CCDC39: variants seen among roughly 807,000 people sequenced by gnomAD.
The protein encoded by CCDC39 is coiled-coil domain-containing protein 39.
Under a neutral mutation model 121.0 loss-of-function variants are expected in CCDC39, and 113 were observed. That is an observed-to-expected ratio of 0.93 (90% CI 0.80 to 1.09). CCDC39 has a LOEUF of 1.09. CCDC39 is among the 50% of genes least tolerant of loss of function. The pLI, the probability that CCDC39 is intolerant of heterozygous loss-of-function variation, is 0.00. For missense variants in CCDC39, 1,063 were observed against 1,074.7 expected (o/e 0.99, Z 0.15); for synonymous variants, 349 against 352.2 (o/e 0.99, Z 0.10).
intron 14 of CCDC39, among the ~76,000 whole-genome samples, chr3:180,623,192 A>G (rs144557317): frequency 2.6e-3 from 389 of 151,106 alleles, no homozygotes; most frequent in Non-Finnish European, 3.7e-3. Flanking sequence ...GGGAGGGTGT[A>G]TTATATGTTT....
At chr3:180,677,855 C>A (rs983954798) in intron 1 of CCDC39, among the ~76,000 whole-genome samples, 1 of 151,978 alleles carries the variant, frequency 6.6e-6, no homozygotes, top group African/African-American at 2.4e-5. Flanking sequence ...TATCTCATAC[C>A]CTTCTATTCT....
At chr3:180,664,624 A>G (rs979740582) in intron 1 of CCDC39, among the ~76,000 whole-genome samples, 1 of 151,990 alleles carries the variant, frequency 6.6e-6, no homozygotes, top group Non-Finnish European at 1.5e-5. Context: ...TCAAAAATGC[A>G]TTTTTCATAC....
At chr3:180,630,968 A>G (rs571450472) in intron 14 of CCDC39, among the ~76,000 whole-genome samples, 9 of 152,310 alleles carry the variant, frequency 5.9e-5, no homozygotes, top group African/African-American at 2.2e-4. Context: ...AGGGTGTGGC[A>G]TAAGAGTGGG....
chr3:180,628,420 G>A (rs1224258458), intron 14 of CCDC39, among the ~76,000 whole-genome samples: 1 of 152,106 alleles, frequency 6.6e-6, no homozygotes, highest in African/African-American at 2.4e-5. Flanking sequence ...TGTTAGCCAG[G>A]ATGGTCTCGA....
At chr3:180,659,271 TA>T (rs1167991816) in intron 6 of CCDC39, among the ~76,000 whole-genome samples, 180 bp downstream of exon 6, 1 of 152,234 alleles carries the variant, frequency 6.6e-6, no homozygotes, top group Admixed American at 6.5e-5. Flanking sequence ...TACACTCAAA[TA>T]ATCTTCATCA....
chr3:180,676,305 A>G (rs1560096855), intron 1 of CCDC39, among the ~76,000 whole-genome samples: 3 of 152,196 alleles, frequency 2.0e-5, no homozygotes, highest in Admixed American at 6.5e-5. Flanking sequence ...CAAGAGAAAA[A>G]CAAACAACCC....
intron 3 of CCDC39, 31 bp from the exon 4 acceptor site, chr3:180,660,759 G>A: frequency 6.4e-7 from 1 of 1,574,022 alleles, no homozygotes; most frequent in Non-Finnish European, 8.6e-7. Flanking sequence ...GAAAAGGGGA[G>A]ATTACAAAAC....
intron 14 of CCDC39, among the ~76,000 whole-genome samples, chr3:180,622,270 C>T (rs1193845196): frequency 2.6e-5 from 4 of 151,902 alleles, no homozygotes; most frequent in African/African-American, 4.8e-5. Flanking sequence ...TTTTGTATCC[C>T]GAAACTGCTG....
rs1296379276 is a variant in CCDC39 at position 180,659,716 on chromosome 3, C to T, written c.570G>A (p.Lys190=). The T allele has an allele frequency of 6.2e-7, 1 of 1,612,686 alleles. No homozygotes were observed. Among genetic ancestry groups the T allele is most frequent in the Non-Finnish European group, 8.5e-7 (1 of 1,179,350 alleles). Residue 190 remains lysine (K), a synonymous_variant, in exon 5 of 20, where the codon AAG becomes AAA. Transcript: ENST00000476379. ...TCTCTGTAAGTTCGTTGTCAAGTATCTTTCTTTTCTGATTACATTCCAAAG... is the reference window on the plus strand; with the variant it reads ...TCTCTGTAAGTTCGTTGTCAAGTATTTTTCTTTTCTGATTACATTCCAAAG... ...RLTLECNQKR[K]ILDNELTETI... is the part of the protein sequence containing the mutation.
chr3:180,623,601 A>G (rs1228618262), intron 14 of CCDC39, among the ~76,000 whole-genome samples: 1 of 152,102 alleles, frequency 6.6e-6, no homozygotes, highest in Non-Finnish European at 1.5e-5. Context: ...TGCTATAAAC[A>G]TCCCCCTTAG....
chr3:180,679,096 A>G lies in CCDC39; in HGVS notation c.90+195T>C, dbSNP rs779254663. ...CCTAAATGTCAATTATGGTTTTAAT[A>G]GCATTTTTAAATGCTTAACAATTAC... On this transcript the variant is annotated intron_variant, in intron 1 of 19. Transcript: ENST00000476379. This position sits in a 1 kb window ranked among gnomAD's most constrained non-coding sequence, Gnocchi z 4.0. 6.6e-6 allele frequency among the ~76,000 whole-genome samples: 1 copy of G among 152,196 alleles called. No individual in the cohort carries two copies. Among genetic ancestry groups the G allele is most frequent in the Non-Finnish European group, 1.5e-5 (1 of 68,032 alleles).
chr3:180,639,862 G>C (rs147783988), intron 13 of CCDC39, among the ~76,000 whole-genome samples: 1 of 151,846 alleles, frequency 6.6e-6, no homozygotes, highest in Admixed American at 6.6e-5. Context: ...CTAGCTCTTA[G>C]AGAAAAAGTG....
intron 1 of CCDC39, among the ~76,000 whole-genome samples, chr3:180,678,341 T>C (rs931636876): frequency 5.9e-5 from 9 of 152,124 alleles, no homozygotes; most frequent in Non-Finnish European, 1.0e-4. Context: ...TTTCAAAAGG[T>C]AGAGTAACAG....
At position 180,616,702 on chromosome 3, in the gene CCDC39, G is replaced by T; in HGVS notation, c.2407-7C>A. 6.3e-7 allele frequency: 1 copy of T among 1,581,736 alleles called. No homozygotes were observed. Among genetic ancestry groups the T allele is most frequent in the Non-Finnish European group, 8.6e-7 (1 of 1,162,230 alleles). On this transcript the variant is annotated splice_polypyrimidine_tract_variant and splice_region_variant and intron_variant, in intron 17 of 19. Transcript: ENST00000476379. ...CCTTTGTGAGTTTTGCACACTGTTG[G>T]TAAATAATAGTCAATTATTCTATAA...
At chr3:180,652,096 G>A in intron 8 of CCDC39, 67 bp downstream of exon 8, 1 of 858,714 alleles carries the variant, frequency 1.2e-6, no homozygotes, top group Non-Finnish European at 1.8e-6. Flanking sequence ...ATAGTCTTAA[G>A]TATTTAATAA....
At chr3:180,658,521 C>T (rs7631194) in intron 6 of CCDC39, among the ~76,000 whole-genome samples, 33,911 of 151,242 alleles carry the variant, frequency 0.22, 4,146 homozygotes, top group East Asian at 0.4. Flanking sequence ...GGCGTGAACC[C>T]GGGAGGTGGA....
At chr3:180,632,194 C>T (rs1471327132) in intron 13 of CCDC39, among the ~76,000 whole-genome samples, 3 of 152,148 alleles carry the variant, frequency 2.0e-5, no homozygotes, top group African/African-American at 4.8e-5. Flanking sequence ...GCTATTCAAA[C>T]GTCTTTAAAA....
Position 180,644,232 on chromosome 3 carries a change from G to C in CCDC39, c.1553C>G (p.Ala518Gly). The change falls in exon 12 of 20, where the codon GCA (alanine) becomes GGA (glycine). Residue 518 changes from alanine (A) to glycine (G), a missense_variant. Coordinates refer to ENST00000476379, the MANE Select transcript of CCDC39 (RefSeq NM_181426.2). Reference protein sequence around the residue: ...LHNDLYFIKKAHSKNSDEKQS... With the variant: ...LHNDLYFIKKGHSKNSDEKQS... ...TTTTTCATCACTGTTTTTACTATGT[G>C]CCTTCTTGATAAAATAAAGATCATT... 1 of 1,528,738 alleles carries C rather than the reference G, an allele frequency of 6.5e-7. No individual in the cohort carries two copies. The highest frequency in any genetic ancestry group is 8.8e-7 in the Non-Finnish European group (1 of 1,136,960). 94.7% of individuals were successfully genotyped at this position (1,528,738 alleles called of 1,614,324 possible).
intron 6 of CCDC39, among the ~76,000 whole-genome samples, chr3:180,658,975 A>G (rs989392285): frequency 6.6e-6 from 1 of 152,190 alleles, no homozygotes; most frequent in African/African-American, 2.4e-5. Context: ...TCAGTGCAGT[A>G]TTCCCCGCTT....
Sources: allele counts gnomAD v4.1 joint callset (sites outside exome capture counted in the v4.1 genomes callset), GRCh38; gene constraint gnomAD v4.1.1; non-coding constraint Gnocchi (gnomAD v3.1); transcripts MANE v1.5; gene names NCBI Gene and HGNC (gene_info 2026-07-23, HGNC 2026-07-21).